ESRRB: variants seen among roughly 807,000 people sequenced by gnomAD.
The protein encoded by ESRRB is estrogen related receptor beta.
In ESRRB, 16 loss-of-function variants were observed where a neutral mutation model predicts 46.0. The observed-to-expected ratio is 0.35, with a 90% confidence interval of 0.24 to 0.53. ESRRB has a LOEUF of 0.53. Ranked by LOEUF, ESRRB falls within the 20% of genes least tolerant of loss-of-function variation. The pLI is 0.93. For synonymous variants in ESRRB, 246 were observed against 259.6 expected, an observed-to-expected ratio of 0.95 and a Z score of 0.50; for missense variants, 488 against 607.4, an observed-to-expected ratio of 0.80 and a Z score of 2.07.
upstream of ESRRB, among the ~76,000 whole-genome samples, chr14:76,371,796 C>T (rs1324791322): frequency 6.6e-6 from 1 of 152,190 alleles, no homozygotes; most frequent in African/African-American, 2.4e-5. Context: ...GTCAAGTCCT[C>T]TACTCTCCTG....
At chr14:76,350,761 G>A (rs1174326117) in intron 1 of ESRRB, among the ~76,000 whole-genome samples, 1 of 152,188 alleles carries the variant, frequency 6.6e-6, no homozygotes. Flanking sequence ...AAGGCTGATG[G>A]CCTCTACCTG....
chr14:76,450,415 C>CA (rs1454421710), intron 2 of ESRRB, among the ~76,000 whole-genome samples: 1 of 152,090 alleles, frequency 6.6e-6, no homozygotes, highest in Non-Finnish European at 1.5e-5. Flanking sequence ...CGTTGACTAA[C>CA]ATGTGATACA....
At chr14:76,319,394 T>A (rs2139725099) in intron 1 of ESRRB, among the ~76,000 whole-genome samples, 1 of 152,284 alleles carries the variant, frequency 6.6e-6, no homozygotes, top group African/African-American at 2.4e-5. Context: ...ATCAGGTTCT[T>A]GGGGAAAATT....
At chr14:76,425,436 G>T (rs1034324407) in intron 1 of ESRRB, among the ~76,000 whole-genome samples, 3 of 152,076 alleles carry the variant, frequency 2.0e-5, no homozygotes. Context: ...TCGAATGGGG[G>T]TGGGTTGGAT....
intron 1 of ESRRB, among the ~76,000 whole-genome samples, chr14:76,401,984 C>CT (rs1885965985): frequency 6.6e-6 from 1 of 152,326 alleles, no homozygotes; most frequent in African/African-American, 2.4e-5. Flanking sequence ...GGCAGGCAGA[C>CT]TTGGGACCCA....
At position 76,500,709 on chromosome 14, in the gene ESRRB, G is replaced by A. The variant is rs775636143; in HGVS notation, c.*2251G>A. On this transcript the variant is annotated 3_prime_UTR_variant, in exon 7 of 7. Transcript: ENST00000644823. ...GTCTTTTCTAGGGAAAGCATCTCTG[G>A]CTCACCATGTAACATCTGGCTTGGA... is the stretch of plus-strand genomic sequence containing the variant. 10 of 1,613,906 alleles carry A rather than the reference G, an allele frequency of 6.2e-6. No homozygotes were observed. In the South Asian group the frequency reaches 1.1e-4, roughly 18 times the overall value.
At chr14:76,435,090 GGAA>G (rs1887616880) in intron 1 of ESRRB, among the ~76,000 whole-genome samples, 1 of 152,296 alleles carries the variant, frequency 6.6e-6, no homozygotes, top group South Asian at 2.1e-4. Flanking sequence ...AAGATGGCAC[GGAA>G]GAAGGTGTCT....
At chr14:76,367,980 T>A (rs1334494855), upstream of ESRRB, among the ~76,000 whole-genome samples, 74 of 125,798 alleles carry the variant, frequency 5.9e-4, no homozygotes, top group South Asian at 2.0e-3. Context: ...TGAGACGGAG[T>A]CTCGCTCTGT....
intron 1 of ESRRB, among the ~76,000 whole-genome samples, chr14:76,381,658 C>T (rs1007587627): frequency 6.6e-6 from 1 of 152,162 alleles, no homozygotes; most frequent in East Asian, 1.9e-4. Context: ...ATCTGGTGCT[C>T]CTGGGCTCAG....
chr14:76,482,212 C>T lies in ESRRB; in HGVS notation c.688+86C>T, dbSNP rs543044570. ...CCCTTAGGGAAACATCATCTTCCCA[C>T]CACTGGGTCATGAGACAATGTGGAT... is the stretch of plus-strand genomic sequence containing the variant. On this transcript the variant is annotated intron_variant, in intron 4 of 6. Coordinates refer to ENST00000644823, the MANE Select transcript of ESRRB (RefSeq NM_001379180.1). The surrounding 1 kb of genome is among the most constrained non-coding windows in gnomAD (Gnocchi z 4.3). 5 of 993,632 alleles carry T rather than the reference C, an allele frequency of 5.0e-6. No individual in the cohort carries two copies. Among genetic ancestry groups the T allele is most frequent in the African/African-American group, 1.6e-5 (1 of 62,962 alleles). The allele number at this position is 993,632 out of a possible 1,614,324, so 61.6% of individuals were successfully genotyped here. A position where few individuals can be genotyped will look rare whatever the true frequency, so the allele number is the denominator to read the frequency against.
chr14:76,378,596 G>A (rs182261125), intron 1 of ESRRB, among the ~76,000 whole-genome samples: 3 of 152,234 alleles, frequency 2.0e-5, no homozygotes, highest in Non-Finnish European at 4.4e-5. Context: ...CCTGTCAGAT[G>A]TCATTTCTCA....
upstream of ESRRB, among the ~76,000 whole-genome samples, chr14:76,372,729 G>A (rs1884654346): frequency 6.6e-6 from 1 of 152,212 alleles, no homozygotes; most frequent in African/African-American, 2.4e-5. Context: ...CTACTCGGGA[G>A]GCTGAGGTGA....
In ESRRB at chr14:76,342,844, C is replaced by A. The variant is rs556663190; in HGVS notation, c.2+31928C>A. ...CTCCATGCCAGGCATTGTGACAGGTCCTGGGATCACAGCAGTGAACTTGAC... is the reference window on the plus strand; with the variant it reads ...CTCCATGCCAGGCATTGTGACAGGTACTGGGATCACAGCAGTGAACTTGAC... On this transcript the variant is annotated intron_variant, in intron 1 of 6. Transcript: ENST00000512784. Among the ~76,000 whole-genome samples the A allele has an allele frequency of 2.2e-4, 33 of 152,290 alleles. No individual in the cohort carries two copies. In the South Asian group the frequency reaches 6.8e-3, roughly 32 times the overall value.
At chr14:76,430,665 A>G (rs1192897668) in intron 1 of ESRRB, among the ~76,000 whole-genome samples, 1 of 152,182 alleles carries the variant, frequency 6.6e-6, no homozygotes, top group East Asian at 1.9e-4. Context: ...AGCCCATTTT[A>G]CAGATGAGGA....
chr14:76,352,776 G>A (rs921682936), intron 1 of ESRRB, among the ~76,000 whole-genome samples: 1 of 152,248 alleles, frequency 6.6e-6, no homozygotes, highest in African/African-American at 2.4e-5. Flanking sequence ...GTTGCTCTGA[G>A]CTAGCTGATT....
chr14:76,419,024 T>TC (rs910404685), intron 1 of ESRRB, among the ~76,000 whole-genome samples: 1 of 151,814 alleles, frequency 6.6e-6, no homozygotes, highest in African/African-American at 2.4e-5. Context: ...TAAACTTTTT[T>TC]TTTTTTTTGA....
intron 1 of ESRRB, among the ~76,000 whole-genome samples, chr14:76,351,986 TAAAAAAAA>T (rs201356393): frequency 4.2e-4 from 39 of 91,772 alleles, no homozygotes; most frequent in Admixed American, 8.9e-4. Flanking sequence ...CCCAGTCTCT[TAAAAAAAA>T]AAAAAAAAAA....
intron 1 of ESRRB, among the ~76,000 whole-genome samples, chr14:76,361,534 C>T (rs750761464): frequency 6.6e-6 from 1 of 152,118 alleles, no homozygotes; most frequent in African/African-American, 2.4e-5. Context: ...CTCAGCAACA[C>T]CTGGTGTTAC....
intron 6 of ESRRB, chr14:76,495,442 CGCAGTCCTTGATGAGGGGAAT>C (rs2140057869): frequency 6.6e-6 from 1 of 151,914 alleles, no homozygotes; most frequent in East Asian, 1.9e-4. Flanking sequence ...TCCAGAGAGC[CGCAGTCCTTGATGAGGGGAAT>C]GCTTCCTTCC....
Sources: allele counts gnomAD v4.1 joint callset (sites outside exome capture counted in the v4.1 genomes callset), GRCh38; gene constraint gnomAD v4.1.1; non-coding constraint Gnocchi (gnomAD v3.1); transcripts MANE v1.5; gene names NCBI Gene and HGNC (gene_info 2026-07-23, HGNC 2026-07-21).